Variants in NPRL3 observed in about 807,000 individuals in gnomAD.
NPRL3 encodes GATOR1 complex protein NPRL3.
In NPRL3, 23 loss-of-function variants were observed where a neutral mutation model predicts 57.2. The observed-to-expected ratio is 0.40, with a 90% CI of 0.29 to 0.57. The LOEUF is 0.57. Among genes scored for constraint, NPRL3 ranks in the 20% least tolerant of loss-of-function variants. NPRL3 has a pLI of 0.42. For synonymous variants in NPRL3, 333 were observed against 321.1 expected, an observed-to-expected ratio of 1.04 and a Z score of -0.39; for missense variants, 691 against 767.1, an observed-to-expected ratio of 0.90 and a Z score of 1.17.
At chr16:108,956 C>A (rs1433502918) in intron 7 of NPRL3, among the ~76,000 whole-genome samples, 1 of 151,974 alleles carries the variant, frequency 6.6e-6, no homozygotes, top group Non-Finnish European at 1.5e-5. Flanking sequence ...AGGTGTGAGC[C>A]ACCGCGCCCG....
At chr16:102,551 T>C (rs1393558324) in intron 7 of NPRL3, among the ~76,000 whole-genome samples, 5 of 152,232 alleles carry the variant, frequency 3.3e-5, no homozygotes, top group Non-Finnish European at 7.3e-5. Context: ...CCCCGCATCA[T>C]GTTTCCTCTG....
intron 12 of NPRL3, chr16:89,316 G>A (rs900902828): frequency 4.9e-5 from 13 of 266,900 alleles, no homozygotes; most frequent in Non-Finnish European, 3.6e-5. Flanking sequence ...CTGGGGACCG[G>A]GGACCTGGGA....
Position 109,082 on chromosome 16 carries a change from C to A in NPRL3, c.629+1443G>T, listed in dbSNP as rs1483202125. On this transcript the variant is annotated intron_variant, in intron 7 of 13. Coordinates refer to ENST00000611875, the MANE Select transcript of NPRL3 (RefSeq NM_001077350.3). Reference sequence around the variant, plus strand: ...TTCCTAGGCTTAAGTGACCCTCCCACCTCAGCCTCCTGAGTAGCTGAGACT... The same window carrying A: ...TTCCTAGGCTTAAGTGACCCTCCCAACTCAGCCTCCTGAGTAGCTGAGACT... 2.0e-5 allele frequency among the ~76,000 whole-genome samples: 3 copies of A among 151,946 alleles called. No individual in the cohort carries two copies. In the East Asian group the frequency reaches 5.8e-4, roughly 29 times the overall value.
In NPRL3 at chr16:119,175, T is replaced by C. The variant is rs551576449; in HGVS notation, c.269A>G (p.Asn90Ser). ...CGQKFELKID[N>S]VRFVGHPTLL... ...TGTTGGGTGCCCAACAAATCGCACA[T>C]TATCAATCTTCAGTTCAAATTTTTG... Residue 90 changes from asparagine to serine, a missense_variant, in exon 4 of 14, where the codon AAT becomes AGT. Physicochemically the swap from Asn to Ser is conservative, Grantham distance 46. Transcript: ENST00000611875. 18 of 1,613,278 alleles carry C rather than the reference T, an allele frequency of 1.1e-5. No individual in the cohort carries two copies. In the African/African-American group the frequency reaches 2.0e-4, roughly 18 times the overall value.
Position 100,233 on chromosome 16 carries a change from G to A in NPRL3, c.767+139C>T, listed in dbSNP as rs138320501. 143 of 864,770 alleles carry A rather than the reference G, an allele frequency of 1.7e-4. No individual in the cohort carries two copies. The East Asian group carries it at 3.4e-3, about 21-fold the overall frequency. The allele number at this position is 864,770 out of a possible 1,614,324, so 53.6% of individuals were successfully genotyped here. A position where few individuals can be genotyped will look rare whatever the true frequency, so the allele number is the denominator to read the frequency against. On this transcript the variant is annotated intron_variant, in intron 8 of 13. Transcript: ENST00000611875. ...ATTATGTGTTTTAACTTCTATAAAC[G>A]GCAGAGCCCCACCTGCAAGCTTCCG...
intron 5 of NPRL3, among the ~76,000 whole-genome samples, chr16:115,837 C>T (rs1201968917): frequency 6.6e-6 from 1 of 152,220 alleles, no homozygotes; most frequent in Non-Finnish European, 1.5e-5. Flanking sequence ...AGGTTCTGGT[C>T]TGATCTCCAT....
chr16:94,030 G>A (rs1300869021), intron 9 of NPRL3, among the ~76,000 whole-genome samples: 2 of 151,936 alleles, frequency 1.3e-5, no homozygotes, highest in East Asian at 3.9e-4. Flanking sequence ...TTAGCTGGAT[G>A]TCCTGGCAGG....
rs61305957 is a variant in NPRL3, at chr16:138,290, G to T, written c.-23C>A. The T allele has an allele frequency of 1.3e-6, 2 of 1,562,136 alleles. No homozygotes were observed. The highest frequency in any genetic ancestry group is 1.7e-6 in the Non-Finnish European group (2 of 1,153,572). On this transcript the variant is annotated 5_prime_UTR_variant, in exon 2 of 14. Coordinates refer to ENST00000611875, the MANE Select transcript of NPRL3 (RefSeq NM_001077350.3). ...CATCCCGCCGTGGGGCCGGGGCCGG[G>T]GGCGGAGGGGGCCAGAGGAGGACGG...
chr16:89,290 C>G lies in NPRL3; in HGVS notation c.1352-400G>C, dbSNP rs139359483. On this transcript the variant is annotated intron_variant, in intron 12 of 13. Coordinates refer to ENST00000611875, the MANE Select transcript of NPRL3 (RefSeq NM_001077350.3). Reference sequence around the variant, plus strand: ...GGGGGACTTTCAAAGTCTTCCACCCCCTTCCTTCCCCAAGCCTGGGGACCG... The same window carrying G: ...GGGGGACTTTCAAAGTCTTCCACCCGCTTCCTTCCCCAAGCCTGGGGACCG... 3.2e-4 allele frequency: 85 copies of G among 266,998 alleles called. 1 individual carries two copies. The highest frequency in any genetic ancestry group is 1.5e-3 in the African/African-American group (67 of 45,854). 16.5% of individuals were successfully genotyped at this position (266,998 alleles called of 1,614,324 possible).
At chr16:127,615 T>G (rs1226807367) in intron 3 of NPRL3, among the ~76,000 whole-genome samples, 1 of 152,074 alleles carries the variant, frequency 6.6e-6, no homozygotes, top group East Asian at 1.9e-4. Flanking sequence ...ATATAGACAT[T>G]GAGCACCTGA....
intron 2 of NPRL3, among the ~76,000 whole-genome samples, chr16:133,279 G>A (rs998336349): frequency 6.6e-6 from 1 of 151,428 alleles, no homozygotes; most frequent in African/African-American, 2.4e-5. Flanking sequence ...AGGCTGGAGT[G>A]CAATGTCGGA....
At chr16:134,119 G>A (rs1213029407) in intron 2 of NPRL3, among the ~76,000 whole-genome samples, 1 of 152,054 alleles carries the variant, frequency 6.6e-6, no homozygotes, top group Non-Finnish European at 1.5e-5. Flanking sequence ...CACAAAGTGA[G>A]TATATACTGT....
chr16:89,756 A>G lies in NPRL3; in HGVS notation c.1308T>C (p.Gly436=). Residue 436 remains glycine (G), a synonymous_variant, in exon 12 of 14, where the codon GGT becomes GGC. Coordinates refer to ENST00000611875, the MANE Select transcript of NPRL3 (RefSeq NM_001077350.3). ...DDVPFTARVG[G]RSLSTPNALS... is the part of the protein sequence containing the mutation. ...GGGCGTTGGGCGTGCTGAGGCTGCG[A>G]CCGCCGACCCGGGCAGTGAAGGGGA... The G allele has an allele frequency of 6.3e-7, 1 of 1,596,000 alleles. No individual in the cohort carries two copies. The highest frequency in any genetic ancestry group is 8.5e-7 in the Non-Finnish European group (1 of 1,173,882).
intron 13 of NPRL3, among the ~76,000 whole-genome samples, chr16:87,868 C>CT (rs35061088): frequency 0.045 from 6,188 of 137,426 alleles, 450 homozygotes; most frequent in African/African-American, 0.15. Flanking sequence ...CCGCGCCTGA[C>CT]TTTTTTTTTT....
In NPRL3 at chr16:93,363, G is replaced by C. The variant is rs532079466; in HGVS notation, c.925-38C>G. 42 of 1,389,048 alleles carry C rather than the reference G, an allele frequency of 3.0e-5. No homozygotes were observed. The South Asian group carries it at 4.7e-4, about 16-fold the overall frequency. The allele number at this position is 1,389,048 out of a possible 1,614,324, so 86.0% of individuals were successfully genotyped here. ...GGGAAGCTGCAAGGACCATGCCTGA[G>C]GCTGGCCCACCGGGAGCTGTCAGCA... On this transcript the variant is annotated intron_variant, in intron 9 of 13. Coordinates refer to ENST00000611875, the MANE Select transcript of NPRL3 (RefSeq NM_001077350.3).
intron 3 of NPRL3, among the ~76,000 whole-genome samples, chr16:121,355 G>A (rs1900269963): frequency 1.3e-5 from 2 of 152,198 alleles, no homozygotes; most frequent in African/African-American, 4.8e-5. Flanking sequence ...AGGCGTGGTG[G>A]CTCACACCTG....
Position 123,545 on chromosome 16 carries a change from G to A in NPRL3, c.189-4290C>T, listed in dbSNP as rs942215518. ...GCTCATCGGTTGGAGGACATGGCTC[G>A]CTGAAATGGGAACAGGACCATCAAG... On this transcript the variant is annotated intron_variant, in intron 3 of 13. Transcript: ENST00000611875. 2.8e-5 allele frequency: 13 copies of A among 470,904 alleles called. No individual in the cohort carries two copies. The Middle Eastern group carries it at 9.7e-4, about 35-fold the overall frequency. The allele number at this position is 470,904 out of a possible 1,614,324, so 29.2% of individuals were successfully genotyped here.
At chr16:123,539 T>C (rs887855105) in intron 3 of NPRL3, 9 of 470,954 alleles carry the variant, frequency 1.9e-5, no homozygotes, top group Non-Finnish European at 4.0e-5. Context: ...TTGGAGGACA[T>C]GGCTCGCTGA....
rs1050764 is a variant in NPRL3, at chr16:85,522, C to T, written c.*1183G>A. The T allele has an allele frequency of 1.2e-6, 2 of 1,613,400 alleles. No homozygotes were observed. The highest frequency in any genetic ancestry group is 8.5e-7 in the Non-Finnish European group (1 of 1,180,034). The stretch of plus-strand genomic sequence containing the variant: ...GCCGTGTCCTCAAGGACCGCGAGCT[C>T]TGCAGTGGCCCCTCCAAGCTGTGCC... On this transcript the variant is annotated 3_prime_UTR_variant, in exon 14 of 14. Transcript: ENST00000611875.
Sources: allele counts gnomAD v4.1 joint callset (sites outside exome capture counted in the v4.1 genomes callset), GRCh38; gene constraint gnomAD v4.1.1; transcripts MANE v1.5; gene names NCBI Gene and HGNC (gene_info 2026-07-23, HGNC 2026-07-21).